PTPRJ: variants seen among roughly 807,000 people sequenced by gnomAD.
The protein encoded by PTPRJ is protein tyrosine phosphatase receptor type J, also known as receptor-type tyrosine-protein phosphatase eta.
A neutral mutation model predicts 141.3 loss-of-function variants in PTPRJ; 129 were observed. That is an observed-to-expected ratio of 0.91 (90% CI 0.79 to 1.06). PTPRJ has a LOEUF of 1.06. Ranked by LOEUF, PTPRJ falls within the 50% of genes least tolerant of loss-of-function variation. The pLI is 0.00. For missense variants in PTPRJ, 1,601 were observed against 1,679.7 expected, an observed-to-expected ratio of 0.95 and a Z score of 0.82; for synonymous variants, 610 against 640.5, an observed-to-expected ratio of 0.95 and a Z score of 0.72.
chr11:48,007,458 A>G (rs1854655388), intron 1 of PTPRJ, among the ~76,000 whole-genome samples: 1 of 151,148 alleles, frequency 6.6e-6, no homozygotes, highest in Non-Finnish European at 1.5e-5. Context: ...CCCAGACTGT[A>G]GTGCAGTGGC....
In PTPRJ at chr11:47,980,980, T is replaced by A; in HGVS notation, c.68T>A (p.Leu23Gln). The A allele has an allele frequency of 9.4e-6, 10 of 1,066,924 alleles. No homozygotes were observed. Among genetic ancestry groups the A allele is most frequent in the Non-Finnish European group, 1.1e-5 (10 of 875,650 alleles). 66.1% of individuals were successfully genotyped at this position (1,066,924 alleles called of 1,614,324 possible). Residue 23 changes from leucine (L) to glutamine (Q), a missense_variant, in exon 1 of 25, where the codon CTG becomes CAG. Coordinates refer to ENST00000418331, the MANE Select transcript of PTPRJ (RefSeq NM_002843.4). ...RSPGLRWALP[L>Q]LLLLLRLGQI... ...CCCGGGCTGCGCTGGGCGCTGCCGC[T>A]GCTGCTGCTGCTGCTGCGCCTGGGC...
chr11:47,990,879 T>C (rs923476705), intron 1 of PTPRJ, among the ~76,000 whole-genome samples: 1 of 151,804 alleles, frequency 6.6e-6, no homozygotes, highest in Admixed American at 6.6e-5. Context: ...CAGGGTTTCA[T>C]TGTGTTAGCC....
rs1172295463 is a variant in PTPRJ at position 47,980,844 on chromosome 11, G to C, written c.-69G>C. 7 of 1,068,266 alleles carry C rather than the reference G, an allele frequency of 6.6e-6. No individual in the cohort carries two copies. The highest frequency in any genetic ancestry group is 7.9e-6 in the Non-Finnish European group (7 of 885,756). The allele number at this position is 1,068,266 out of a possible 1,614,324, so 66.2% of individuals were successfully genotyped here. A position where few individuals can be genotyped will look rare whatever the true frequency, so the allele number is the denominator to read the frequency against. ...GAGACGGCAGGAGGCGGCGACGACG[G>C]TGCCCGGGCTCGGGCGCACGGCGGG... On this transcript the variant is annotated 5_prime_UTR_variant, in exon 1 of 25. Coordinates refer to ENST00000418331, the MANE Select transcript of PTPRJ (RefSeq NM_002843.4).
In PTPRJ at chr11:48,083,058, G is replaced by C. The variant is rs140276977; in HGVS notation, c.97-27000G>C. On this transcript the variant is annotated intron_variant, in intron 1 of 24. Coordinates refer to ENST00000418331, the MANE Select transcript of PTPRJ (RefSeq NM_002843.4). The stretch of plus-strand genomic sequence containing the variant: ...GTAGTTGGAAAGCAATTCAGCCTCA[G>C]TGGTAAGCTCTCAGCTCTTCTAGGG... Among the ~76,000 whole-genome samples the C allele has an allele frequency of 2.9e-3, 439 of 152,324 alleles. 3 individuals carry two copies. Among genetic ancestry groups the C allele is most frequent in the African/African-American group, 0.01 (434 of 41,576 alleles).
At chr11:47,989,638 A>G (rs1264836872) in intron 1 of PTPRJ, among the ~76,000 whole-genome samples, 3 of 151,974 alleles carry the variant, frequency 2.0e-5, no homozygotes, top group Non-Finnish European at 2.9e-5. Context: ...ATATCTATAG[A>G]TAGATAGATA....
intron 1 of PTPRJ, among the ~76,000 whole-genome samples, chr11:48,033,665 AGAGGAAGACAGTC>A (rs1200864658): frequency 6.6e-5 from 10 of 152,148 alleles, no homozygotes; most frequent in Non-Finnish European, 1.2e-4. Context: ...GGAGCAGTGG[AGAGGAAGACAGTC>A]GATCATTGAT....
At position 48,142,960 on chromosome 11, in the gene PTPRJ, A is replaced by C; in HGVS notation, c.2485A>C (p.Ser829Arg). The C allele has an allele frequency of 6.2e-7, 1 of 1,614,146 alleles. No individual in the cohort carries two copies. The highest frequency in any genetic ancestry group is 8.5e-7 in the Non-Finnish European group (1 of 1,179,980). The change falls in exon 12 of 25, where the codon AGT becomes CGT. Residue 829 changes from serine (S) to arginine (R), a missense_variant. Transcript: ENST00000418331. ...PDGSPNITSV[S>R]HNSVKVKFSG... ...TGGATCCCCTAATATTACATCTGTC[A>C]GTCACAATTCAGTAAAGGTCAAGTT...
At chr11:48,129,751 G>A (rs1018932027) in intron 7 of PTPRJ, among the ~76,000 whole-genome samples, 3 of 152,148 alleles carry the variant, frequency 2.0e-5, no homozygotes, top group African/African-American at 7.2e-5. Flanking sequence ...TCTGAGCTGT[G>A]ATCCTGGGAT....
chr11:48,121,185 G>T lies in PTPRJ; in HGVS notation c.535G>T (p.Ala179Ser). The change falls in exon 4 of 25, where the codon GCG becomes TCG. Residue 179 changes from alanine to serine, a missense_variant. Transcript: ENST00000418331. ...GTGTAACATCACAGGCTTACGTCCAGCGACTTCATATGTATTCTCCATCAC... is the reference window on the plus strand; with the variant it reads ...GTGTAACATCACAGGCTTACGTCCATCGACTTCATATGTATTCTCCATCAC... ...PWCNITGLRP[A>S]TSYVFSITPG... 1 of 1,614,118 alleles carries T rather than the reference G, an allele frequency of 6.2e-7. No individual in the cohort carries two copies. Among genetic ancestry groups the T allele is most frequent in the Non-Finnish European group, 8.5e-7 (1 of 1,179,984 alleles).
Position 48,164,495 on chromosome 11 carries a change from C to T in PTPRJ, c.3835C>T (p.Pro1279Ser). The change falls in exon 24 of 25, where the codon CCT becomes TCT. Residue 1279 changes from proline (P) to serine (S), a missense_variant. Pro to Ser is a moderately conservative substitution (Grantham distance 74). Coordinates refer to ENST00000418331, the MANE Select transcript of PTPRJ (RefSeq NM_002843.4). ...TGTGTATGACCTTCGAATGCATAGG[C>T]CTTTAATGGTGCAGACAGAGGTGAG... The part of the protein sequence containing the change: ...GIVYDLRMHR[P>S]LMVQTEDQYV... The T allele has an allele frequency of 6.2e-7, 1 of 1,611,042 alleles. No individual in the cohort carries two copies. The highest frequency in any genetic ancestry group is 1.3e-5 in the African/African-American group (1 of 74,466).
At chr11:48,081,029 T>C (rs2134284925) in intron 1 of PTPRJ, among the ~76,000 whole-genome samples, 1 of 152,324 alleles carries the variant, frequency 6.6e-6, no homozygotes, top group African/African-American at 2.4e-5. Context: ...AGATCAAAAC[T>C]CCTGAGCCCT....
chr11:48,059,657 G>T (rs544606846), intron 1 of PTPRJ, among the ~76,000 whole-genome samples: 136 of 152,270 alleles, frequency 8.9e-4, no homozygotes, highest in African/African-American at 3.2e-3. Flanking sequence ...GCCCTCACAG[G>T]GTTATGGTCT....
At chr11:48,070,279 A>G (rs1443290494) in intron 1 of PTPRJ, among the ~76,000 whole-genome samples, 2 of 152,134 alleles carry the variant, frequency 1.3e-5, no homozygotes, top group East Asian at 3.9e-4. Flanking sequence ...AGGTGGGTGG[A>G]TCACTTGAGG....
At chr11:48,051,287 G>A (rs956143196) in intron 1 of PTPRJ, among the ~76,000 whole-genome samples, 2 of 151,880 alleles carry the variant, frequency 1.3e-5, no homozygotes, top group Admixed American at 6.6e-5. Flanking sequence ...TAAAGTCAGG[G>A]TTTTGCCATG....
chr11:48,031,312 T>A (rs1396591334), intron 1 of PTPRJ, among the ~76,000 whole-genome samples: 1 of 152,016 alleles, frequency 6.6e-6, no homozygotes. Context: ...AAGACCTGGG[T>A]CAGTTCTGGT....
chr11:48,147,620 A>C (rs1398128541), intron 15 of PTPRJ, among the ~76,000 whole-genome samples: 1 of 152,210 alleles, frequency 6.6e-6, no homozygotes, highest in African/African-American at 2.4e-5. Flanking sequence ...GGAAGTGTGG[A>C]AATAGAACTT....
rs1853871786 is a variant in PTPRJ at position 47,980,636 on chromosome 11, G to C, written c.-277G>C. On this transcript the variant is annotated 5_prime_UTR_variant, in exon 1 of 25. Transcript: ENST00000418331. ...GGGACCGGGTAGCCGCGCGCTGGGGGTGGGCGCCGCTCGCTCCGCCCCGCG... is the reference window on the plus strand; with the variant it reads ...GGGACCGGGTAGCCGCGCGCTGGGGCTGGGCGCCGCTCGCTCCGCCCCGCG... 7.1e-6 allele frequency: 7 copies of C among 984,236 alleles called. No homozygotes were observed. Among genetic ancestry groups the C allele is most frequent in the Non-Finnish European group, 8.4e-6 (7 of 830,168 alleles). The allele number at this position is 984,236 out of a possible 1,614,324, so 61.0% of individuals were successfully genotyped here.
At chr11:48,149,587 A>T in intron 16 of PTPRJ, 99 bp downstream of exon 16, 1 of 839,314 alleles carries the variant, frequency 1.2e-6, no homozygotes, top group Non-Finnish European at 1.8e-6. Context: ...ATTTTTCCTG[A>T]TTGGCACATT....
chr11:48,080,230 A>C (rs1365537015), intron 1 of PTPRJ, among the ~76,000 whole-genome samples: 1 of 152,204 alleles, frequency 6.6e-6, no homozygotes, highest in Non-Finnish European at 1.5e-5. Context: ...ACTTGGATTT[A>C]ATTTCAGGTC....
Sources: allele counts gnomAD v4.1 joint callset (sites outside exome capture counted in the v4.1 genomes callset), GRCh38; gene constraint gnomAD v4.1.1; transcripts MANE v1.5; gene names NCBI Gene and HGNC (gene_info 2026-07-23, HGNC 2026-07-21).